Variants in PRKCA observed in about 807,000 individuals in gnomAD.
The protein encoded by PRKCA is protein kinase C alpha type.
Under a neutral mutation model 87.0 loss-of-function variants are expected in PRKCA, and 27 were observed. The observed-to-expected ratio is 0.31, with a 90% CI of 0.23 to 0.43. PRKCA has a LOEUF of 0.43. Ranked by LOEUF, PRKCA falls within the 20% of genes least tolerant of loss-of-function variation. The pLI is 1.00. For synonymous variants in PRKCA, 329 were observed against 311.1 expected, an observed-to-expected ratio of 1.06 and a Z score of -0.61; for missense variants, 518 against 852.3, an observed-to-expected ratio of 0.61 and a Z score of 4.88.
intron 8 of PRKCA, among the ~76,000 whole-genome samples, chr17:66,696,887 G>A (rs946258517): frequency 1.3e-5 from 2 of 152,164 alleles, no homozygotes; most frequent in African/African-American, 2.4e-5. Flanking sequence ...GAGTGCATAC[G>A]TGATCGAGAG....
At chr17:66,443,673 CTGA>C (rs1484471969) in intron 2 of PRKCA, among the ~76,000 whole-genome samples, 1 of 152,152 alleles carries the variant, frequency 6.6e-6, no homozygotes, top group Non-Finnish European at 1.5e-5. Context: ...TGACTTGCTA[CTGA>C]ATGGTAGTCC....
At chr17:66,784,073 C>A (rs942304578) in intron 14 of PRKCA, among the ~76,000 whole-genome samples, 22 of 152,230 alleles carry the variant, frequency 1.4e-4, no homozygotes, top group African/African-American at 4.8e-4. Context: ...ATGTGTCTGG[C>A]CCTGACCACA....
At chr17:66,334,378 T>C (rs188882997) in intron 2 of PRKCA, among the ~76,000 whole-genome samples, 2 of 152,358 alleles carry the variant, frequency 1.3e-5, no homozygotes, top group East Asian at 1.9e-4. Flanking sequence ...GTGTGTGTGC[T>C]TATTTTTTTT....
intron 2 of PRKCA, among the ~76,000 whole-genome samples, chr17:66,323,054 G>A (rs940536214): frequency 3.9e-5 from 6 of 152,016 alleles, no homozygotes; most frequent in African/African-American, 1.5e-4. Context: ...TTATCCTTAG[G>A]CACTATAGTT....
intron 3 of PRKCA, among the ~76,000 whole-genome samples, chr17:66,589,956 G>C (rs889900631): frequency 6.6e-6 from 1 of 152,164 alleles, no homozygotes; most frequent in Non-Finnish European, 1.5e-5. Flanking sequence ...AATAGGGTTT[G>C]TGCTCCTATG....
At chr17:66,550,773 GCCT>G (rs200201311) in intron 3 of PRKCA, among the ~76,000 whole-genome samples, 1 of 152,182 alleles carries the variant, frequency 6.6e-6, no homozygotes, top group South Asian at 2.1e-4. Context: ...TTCATTCACT[GCCT>G]CCTCCATGGT....
chr17:66,624,607 C>T (rs144265944), intron 3 of PRKCA, among the ~76,000 whole-genome samples: 4,324 of 152,068 alleles, frequency 0.028, 211 homozygotes, highest in African/African-American at 0.099. Flanking sequence ...TTGAGACCAG[C>T]GTGGCCAACG....
At position 66,463,396 on chromosome 17, in the gene PRKCA, A is replaced by T. The variant is rs201607954; in HGVS notation, c.206-32805A>T. On this transcript the variant is annotated intron_variant, in intron 2 of 16. Coordinates refer to ENST00000413366, the MANE Select transcript of PRKCA (RefSeq NM_002737.3). ...CTTGATTCTGTGTTTTTTTTTTTTTAAATTTTTTTATTTTTTTGAGACGAA... is the reference window on the plus strand; with the variant it reads ...CTTGATTCTGTGTTTTTTTTTTTTTTAATTTTTTTATTTTTTTGAGACGAA... 3.9e-3 allele frequency among the ~76,000 whole-genome samples: 572 copies of T among 145,010 alleles called. 4 individuals carry two copies. Among genetic ancestry groups the T allele is most frequent in the South Asian group, 0.012 (53 of 4,492 alleles).
At chr17:66,395,613 C>G (rs989645959) in intron 2 of PRKCA, among the ~76,000 whole-genome samples, 1 of 152,194 alleles carries the variant, frequency 6.6e-6, no homozygotes, top group Non-Finnish European at 1.5e-5. Context: ...GTCCTGTTAA[C>G]TAAGCACAAG....
At chr17:66,521,508 AC>A (rs1297455563) in intron 3 of PRKCA, among the ~76,000 whole-genome samples, 13 of 152,230 alleles carry the variant, frequency 8.5e-5, no homozygotes, top group African/African-American at 2.9e-4. Context: ...AGAAGATGGT[AC>A]AAATGAGAAA....
chr17:66,398,879 A>G (rs1430453007), intron 2 of PRKCA, among the ~76,000 whole-genome samples: 1 of 152,150 alleles, frequency 6.6e-6, no homozygotes, highest in Admixed American at 6.5e-5. Flanking sequence ...GGGCAGACAG[A>G]GTGATGATGT....
intron 2 of PRKCA, among the ~76,000 whole-genome samples, chr17:66,470,672 C>T (rs760980897): frequency 2.0e-5 from 3 of 152,242 alleles, no homozygotes; most frequent in Non-Finnish European, 4.4e-5. Flanking sequence ...GTCAGCCCTT[C>T]GTTTCAATAC....
At chr17:66,718,487 A>T (rs1308647162) in intron 8 of PRKCA, among the ~76,000 whole-genome samples, 2 of 151,976 alleles carry the variant, frequency 1.3e-5, no homozygotes, top group Non-Finnish European at 2.9e-5. Flanking sequence ...TAATTTTTAA[A>T]ATTATTTTTT....
intron 5 of PRKCA, among the ~76,000 whole-genome samples, chr17:66,646,172 A>G (rs1303909497): frequency 6.6e-6 from 1 of 151,784 alleles, no homozygotes; most frequent in Admixed American, 6.6e-5. Context: ...TAATTACCAC[A>G]CCTCCTACAA....
At chr17:66,664,488 A>C (rs2143916776) in intron 5 of PRKCA, among the ~76,000 whole-genome samples, 1 of 152,214 alleles carries the variant, frequency 6.6e-6, no homozygotes, top group South Asian at 2.1e-4. Context: ...GAATGTCCAG[A>C]GGGTTTTTTT....
chr17:66,534,708 A>T (rs1967706594), intron 3 of PRKCA, among the ~76,000 whole-genome samples: 1 of 152,130 alleles, frequency 6.6e-6, no homozygotes, highest in African/African-American at 2.4e-5. Context: ...ATCTTTCTGA[A>T]TGTTGGGGCC....
intron 13 of PRKCA, among the ~76,000 whole-genome samples, chr17:66,765,454 ATC>A (rs1974790049): frequency 7.7e-6 from 1 of 130,088 alleles, no homozygotes; most frequent in Admixed American, 7.8e-5. Context: ...ATATATATAT[ATC>A]CATATATATA....
chr17:66,722,048 AT>A (rs1321530262), intron 8 of PRKCA, among the ~76,000 whole-genome samples: 1 of 152,148 alleles, frequency 6.6e-6, no homozygotes, highest in African/African-American at 2.4e-5. Context: ...TTAACTGTAG[AT>A]GAATCTTTGG....
At chr17:66,362,860 A>G (rs1908478363) in intron 2 of PRKCA, among the ~76,000 whole-genome samples, 1 of 151,984 alleles carries the variant, frequency 6.6e-6, no homozygotes, top group African/African-American at 2.4e-5. Flanking sequence ...ATGCCAGGCT[A>G]ATTTTTGTAT....
Sources: allele counts gnomAD v4.1 joint callset (sites outside exome capture counted in the v4.1 genomes callset), GRCh38; gene constraint gnomAD v4.1.1; transcripts MANE v1.5; gene names NCBI Gene and HGNC (gene_info 2026-07-23, HGNC 2026-07-21).